Variants in PAICS observed in about 807,000 individuals in gnomAD.
PAICS encodes bifunctional phosphoribosylaminoimidazole carboxylase/phosphoribosylaminoimidazole succinocarboxamide synthetase.
In PAICS, 33 loss-of-function variants were observed where a neutral mutation model predicts 53.7. That is an observed-to-expected ratio of 0.61 (90% confidence interval 0.47 to 0.82). The LOEUF is 0.82. PAICS is among the 40% of genes least tolerant of loss of function. The pLI is 0.00. For synonymous variants in PAICS, 141 were observed against 167.2 expected (o/e 0.84, Z 1.21); for missense variants, 394 against 494.1 (o/e 0.80, Z 1.92).
intron 1 of PAICS, among the ~76,000 whole-genome samples, chr4:56,441,035 T>C (rs906544091): frequency 2.0e-5 from 3 of 152,200 alleles, no homozygotes; most frequent in African/African-American, 7.2e-5. Context: ...AAAGGATTAA[T>C]GGGGGCAGGG....
At chr4:56,447,413 CATGTA>C (rs1456408697) in intron 3 of PAICS, among the ~76,000 whole-genome samples, 2 of 152,026 alleles carry the variant, frequency 1.3e-5, no homozygotes. Context: ...AAGATATTGT[CATGTA>C]AAGTTGGGAC....
At chr4:56,446,565 G>C (rs887078148) in intron 2 of PAICS, 130 bp from the exon 3 acceptor site, 20 of 637,358 alleles carry the variant, frequency 3.1e-5, no homozygotes, top group Non-Finnish European at 5.3e-5. Flanking sequence ...ATTAAATAAA[G>C]AGAAAAATTA....
At chr4:56,413,756 G>T in the PAICS span, among the ~76,000 whole-genome samples, 1 of 152,028 alleles carries the variant, frequency 6.6e-6, no homozygotes, top group Non-Finnish European at 1.5e-5. Context: ...AATTTGCTGG[G>T]CTTGGTGGTG....
At chr4:56,420,855 A>G in the PAICS span, 2 of 152,368 alleles carry the variant, frequency 1.3e-5, no homozygotes, top group East Asian at 3.9e-4. Context: ...ACACTAAGAC[A>G]TGATAGCATG....
At chr4:56,455,629 T>C (rs1348312270) in intron 8 of PAICS, among the ~76,000 whole-genome samples, 1 of 152,216 alleles carries the variant, frequency 6.6e-6, no homozygotes, top group Non-Finnish European at 1.5e-5. Flanking sequence ...AATGTGTATA[T>C]TGAAGCCCTA....
In PAICS at chr4:56,464,183, A is replaced by G. The variant is rs1193982973; in HGVS notation, c.*4645A>G. 1 of 152,220 alleles carries G rather than the reference A, an allele frequency of 6.6e-6. No homozygotes were observed. Among genetic ancestry groups the G allele is most frequent in the Non-Finnish European group, 1.5e-5 (1 of 68,060 alleles). 9.4% of individuals were successfully genotyped at this position (152,220 alleles called of 1,614,324 possible). A position where few individuals can be genotyped will look rare whatever the true frequency, so the allele number is the denominator to read the frequency against. On this transcript the variant is annotated 3_prime_UTR_variant, in exon 9 of 9. Coordinates refer to ENST00000512576, the MANE Select transcript of PAICS (RefSeq NM_001079524.2). ...CTCCATTTTGCAGAGCCAATTTCTC[A>G]TAATCTGTACATATCCTATTGGTTC...
the PAICS span, chr4:56,422,383 G>A: frequency 6.6e-6 from 1 of 151,804 alleles, no homozygotes; most frequent in Admixed American, 6.6e-5. Flanking sequence ...TGTAGCTGAA[G>A]ATGATTCAGT....
chr4:56,422,628 A>C, the PAICS span: 1 of 152,216 alleles, frequency 6.6e-6, no homozygotes, highest in Admixed American at 6.5e-5. Flanking sequence ...ATGTATTTGG[A>C]GACAGGGCCT....
chr4:56,421,838 T>C, the PAICS span: 1 of 152,192 alleles, frequency 6.6e-6, no homozygotes, highest in Non-Finnish European at 1.5e-5. Flanking sequence ...CCATTAGTTA[T>C]GTCAGAAGAC....
In PAICS at chr4:56,448,516, C is replaced by T; in HGVS notation, c.492C>T (p.Ile164=). 6.2e-7 allele frequency: 1 copy of T among 1,612,328 alleles called. No individual in the cohort carries two copies. Among genetic ancestry groups the T allele is most frequent in the South Asian group, 1.1e-5 (1 of 90,884 alleles). ...TTATAGGCCAGACTGAAGTGGATATCATGAGTCATGCTACACAGGCTATAT... is the reference window on the plus strand; with the variant it reads ...TTATAGGCCAGACTGAAGTGGATATTATGAGTCATGCTACACAGGCTATAT... The part of the protein sequence containing the change: ...GLLIGQTEVD[I]MSHATQAIFE... Residue 164 remains isoleucine (I), a synonymous_variant, in exon 4 of 9, where the codon ATC becomes ATT. Transcript: ENST00000512576.
chr4:56,423,388 T>C, the PAICS span: 1 of 152,196 alleles, frequency 6.6e-6, no homozygotes. Context: ...CTTGGGATGC[T>C]AAGATTGAAG....
chr4:56,447,338 TTG>T (rs1718674400), intron 3 of PAICS, among the ~76,000 whole-genome samples: 1 of 152,192 alleles, frequency 6.6e-6, no homozygotes, highest in African/African-American at 2.4e-5. Flanking sequence ...AATATCAGTC[TTG>T]CTTTTTAATC....
At chr4:56,436,662 T>C (rs1717991219) in intron 1 of PAICS, 1 of 584,480 alleles carries the variant, frequency 1.7e-6, no homozygotes, top group South Asian at 1.5e-5. Context: ...GTTAGGTTAA[T>C]GACCTTTCTA....
At chr4:56,439,626 C>G (rs1718235843) in intron 1 of PAICS, among the ~76,000 whole-genome samples, 1 of 152,142 alleles carries the variant, frequency 6.6e-6, no homozygotes, top group Admixed American at 6.5e-5. Flanking sequence ...GCCCACTACT[C>G]TTTCCTTAGA....
In PAICS at chr4:56,463,616, C is replaced by G. The variant is rs1174408718; in HGVS notation, c.*4078C>G. On this transcript the variant is annotated 3_prime_UTR_variant, in exon 9 of 9. Transcript: ENST00000512576. ...GCTGAGGCAGGAGAATCGCTTGAAC[C>G]TGGAAGGCAGAGGTTGTGGTGAGCT... 6.6e-6 allele frequency: 1 copy of G among 150,390 alleles called. No individual in the cohort carries two copies. Among genetic ancestry groups the G allele is most frequent in the African/African-American group, 2.5e-5 (1 of 40,628 alleles). 9.3% of individuals were successfully genotyped at this position (150,390 alleles called of 1,614,324 possible).
At position 56,451,910 on chromosome 4, in the gene PAICS, G is replaced by A. The variant is rs759259369; in HGVS notation, c.810G>A (p.Val270=). 2 of 1,607,140 alleles carry A rather than the reference G, an allele frequency of 1.2e-6. No homozygotes were observed. The highest frequency in any genetic ancestry group is 1.7e-6 in the Non-Finnish European group (2 of 1,176,772). ...LKSESQCRVV[V]LMGSTSDLGH... ...CAGAAAGTCAGTGCAGGGTTGTAGT[G>A]TTGATGGGCTCTACTTCTGATCTTG... Residue 270 remains valine (V), a synonymous_variant, in exon 7 of 9, where the codon GTG becomes GTA. Transcript: ENST00000512576.
chr4:56,440,037 C>A (rs1718258113), intron 1 of PAICS, among the ~76,000 whole-genome samples: 1 of 152,206 alleles, frequency 6.6e-6, no homozygotes. Context: ...CCGTAATGAT[C>A]TTTCCAAATA....
At chr4:56,438,186 T>G (rs1718118935) in intron 1 of PAICS, among the ~76,000 whole-genome samples, 1 of 151,980 alleles carries the variant, frequency 6.6e-6, no homozygotes, top group African/African-American at 2.4e-5. Flanking sequence ...TTGATTTTTC[T>G]CTCCTGTGAA....
At chr4:56,412,685 T>C in the PAICS span, among the ~76,000 whole-genome samples, 1 of 152,190 alleles carries the variant, frequency 6.6e-6, no homozygotes, top group African/African-American at 2.4e-5. Context: ...TGATTTTTGG[T>C]CAGTCACTAA....
Sources: allele counts gnomAD v4.1 joint callset (sites outside exome capture counted in the v4.1 genomes callset), GRCh38; gene constraint gnomAD v4.1.1; transcripts MANE v1.5; gene names NCBI Gene and HGNC (gene_info 2026-07-23, HGNC 2026-07-21).